The following PPM1B variants were observed in gnomAD, a reference collection of about 807,000 sequenced individuals.
PPM1B encodes protein phosphatase, Mg2+/Mn2+ dependent 1B, also known as protein phosphatase 1B.
Under a neutral mutation model 43.0 loss-of-function variants are expected in PPM1B, and 22 were observed. The observed-to-expected ratio is 0.51, with a 90% CI of 0.37 to 0.73. The LOEUF (loss-of-function observed/expected upper bound fraction) is 0.73, where lower values mean the gene tolerates loss of function less well. Ranked by LOEUF, PPM1B falls within the 30% of genes least tolerant of loss-of-function variation. PPM1B has a pLI of 0.00. For synonymous variants in PPM1B, 217 were observed against 197.9 expected (o/e 1.10, Z -0.81); for missense variants, 632 against 584.2 (o/e 1.08, Z -0.84).
At chr2:44,185,725 G>A (rs11356814) in intron 1 of PPM1B, among the ~76,000 whole-genome samples, 33,502 of 148,332 alleles carry the variant, frequency 0.23, 4,270 homozygotes, top group African/African-American at 0.38. Context: ...GAGAATTATT[G>A]AAAGTGACTA....
chr2:44,180,486 T>G (rs1486756629), intron 1 of PPM1B, among the ~76,000 whole-genome samples: 4 of 152,242 alleles, frequency 2.6e-5, no homozygotes, highest in Non-Finnish European at 5.9e-5. Flanking sequence ...TTAGTAAATG[T>G]TGCAGTGGAT....
At chr2:44,198,853 A>G (rs1026616012) in intron 1 of PPM1B, among the ~76,000 whole-genome samples, 3 of 152,162 alleles carry the variant, frequency 2.0e-5, no homozygotes, top group Non-Finnish European at 4.4e-5. Flanking sequence ...TGGCATTTGT[A>G]ATTACTAGGG....
At chr2:44,214,741 G>A (rs1669643332) in intron 3 of PPM1B, among the ~76,000 whole-genome samples, 1 of 152,144 alleles carries the variant, frequency 6.6e-6, no homozygotes, top group African/African-American at 2.4e-5. Context: ...TAAACTGACT[G>A]AGCAGGATTC....
intron 5 of PPM1B, among the ~76,000 whole-genome samples, chr2:44,219,756 C>T (rs1358824205): frequency 1.3e-5 from 2 of 151,934 alleles, no homozygotes; most frequent in African/African-American, 4.8e-5. Context: ...CCAGCCTGAC[C>T]AACATGGAGA....
At chr2:44,226,039 C>T (rs1016923317) in intron 5 of PPM1B, among the ~76,000 whole-genome samples, 1 of 148,774 alleles carries the variant, frequency 6.7e-6, no homozygotes, top group Non-Finnish European at 1.5e-5. Context: ...GCAGTGGTGC[C>T]ATCTCAGCTC....
intron 1 of PPM1B, among the ~76,000 whole-genome samples, chr2:44,199,332 A>T (rs937645926): frequency 6.8e-5 from 10 of 146,914 alleles, no homozygotes; most frequent in East Asian, 2.0e-4. Context: ...AATAAAAAAA[A>T]AAAAAATTGA....
downstream of PPM1B, chr2:44,233,331 T>A (rs1670522368): frequency 1.0e-6 from 1 of 979,878 alleles, no homozygotes; most frequent in Non-Finnish European, 1.2e-6. Flanking sequence ...ATGGGTTCAG[T>A]AACTTTTCAT....
chr2:44,206,049 A>T (rs887855239), intron 2 of PPM1B, among the ~76,000 whole-genome samples: 1 of 152,146 alleles, frequency 6.6e-6, no homozygotes, highest in Admixed American at 6.5e-5. Context: ...ACTGTATCAG[A>T]TTGTTTTCTG....
intron 5 of PPM1B, among the ~76,000 whole-genome samples, chr2:44,240,634 G>T (rs1220940970): frequency 6.8e-6 from 1 of 146,018 alleles, no homozygotes; most frequent in East Asian, 2.0e-4. Context: ...CCCAAAGCAA[G>T]TGCTTCACCC....
chr2:44,209,351 T>A (rs868258113), intron 3 of PPM1B, 24 bp downstream of exon 3: 3 of 1,612,756 alleles, frequency 1.9e-6, no homozygotes, highest in Admixed American at 1.7e-5. Context: ...TTTTTAAAAA[T>A]ATAGACAGGC....
chr2:44,215,979 A>G (rs911282740), intron 3 of PPM1B, among the ~76,000 whole-genome samples: 1 of 152,226 alleles, frequency 6.6e-6, no homozygotes, highest in Admixed American at 6.5e-5. Context: ...TAGTGAGTGC[A>G]GCTGGGTTAG....
chr2:44,182,888 G>A (rs1245550709), intron 1 of PPM1B, among the ~76,000 whole-genome samples: 3 of 151,972 alleles, frequency 2.0e-5, no homozygotes, highest in Non-Finnish European at 4.4e-5. Flanking sequence ...GTAGAGCTTC[G>A]TCTAACAAGG....
chr2:44,213,452 T>C (rs1669577091), intron 3 of PPM1B, among the ~76,000 whole-genome samples: 1 of 152,154 alleles, frequency 6.6e-6, no homozygotes, highest in Non-Finnish European at 1.5e-5. Flanking sequence ...TTGTTGAATT[T>C]GGTCATTTTG....
At chr2:44,244,760 T>A (rs561501629), downstream of PPM1B, among the ~76,000 whole-genome samples, 351 of 141,944 alleles carry the variant, frequency 2.5e-3, no homozygotes, top group Middle Eastern at 0.011. Context: ...TATTAGACCT[T>A]TTTTTTTTTT....
intron 1 of PPM1B, among the ~76,000 whole-genome samples, chr2:44,200,319 CTCTAAG>C (rs1307356194): frequency 6.6e-6 from 1 of 152,112 alleles, no homozygotes. Flanking sequence ...GGAACCATTA[CTCTAAG>C]TCTAATCTAA....
rs1212695068 is a variant in PPM1B, at chr2:44,179,625, G to A, written c.-15+10351G>A. On this transcript the variant is annotated intron_variant, in intron 1 of 5. Transcript: ENST00000282412. ...ATTACTTTGCCGTTGGAATGCAGGT[G>A]TTTATTTTGTTAATTGTGTTTAAGA... Among the ~76,000 whole-genome samples, 3 of 152,146 alleles carry A rather than the reference G, an allele frequency of 2.0e-5. No homozygotes were observed. In the East Asian group the frequency reaches 5.8e-4, roughly 29 times the overall value.
At chr2:44,245,309 A>C (rs1017471109), downstream of PPM1B, among the ~76,000 whole-genome samples, 3 of 147,810 alleles carry the variant, frequency 2.0e-5, no homozygotes, top group African/African-American at 7.3e-5. Flanking sequence ...CTCAAAGCTG[A>C]GAAAACCCTG....
chr2:44,239,602 G>A (rs759073326), downstream of PPM1B, among the ~76,000 whole-genome samples: 1 of 152,040 alleles, frequency 6.6e-6, no homozygotes, highest in Non-Finnish European at 1.5e-5. Flanking sequence ...AGGCTGAGGG[G>A]AGGCACATCT....
downstream of PPM1B, chr2:44,234,535 A>G: frequency 1.0e-6 from 1 of 983,060 alleles, no homozygotes; most frequent in African/African-American, 1.8e-5. Flanking sequence ...AAAAAAAAGA[A>G]AAAAAAAAAC....
Sources: gnomAD v4.1 joint callset for allele counts (sites outside exome capture counted in the v4.1 genomes callset) on GRCh38, gnomAD v4.1.1 for gene constraint, MANE v1.5 for transcripts, NCBI Gene and HGNC (gene_info 2026-07-23, HGNC 2026-07-21) for gene names.